Variants in GRM1 observed in about 807,000 individuals in gnomAD.
The protein encoded by GRM1 is glutamate metabotropic receptor 1.
A neutral mutation model predicts 90.9 loss-of-function variants in GRM1; 33 were observed. The ratio of observed to expected loss-of-function variants is 0.36; its 90% CI spans 0.28 to 0.49. The LOEUF (loss-of-function observed/expected upper bound fraction) is 0.49. Ranked by LOEUF, GRM1 falls within the 20% of genes least tolerant of loss-of-function variation. The pLI, the probability that GRM1 is intolerant of heterozygous loss-of-function variation, is 0.99. For missense variants in GRM1, 1,190 were observed against 1,534.3 expected (o/e 0.78, Z 3.75); for synonymous variants, 700 against 613.2 (o/e 1.14, Z -2.09).
chr6:146,280,654 TCTCA>T (rs1782532418), intron 2 of GRM1, among the ~76,000 whole-genome samples: 1 of 152,182 alleles, frequency 6.6e-6, no homozygotes, highest in African/African-American at 2.4e-5. Context: ...GTTCTCATTC[TCTCA>T]CTCAGGCAGG....
chr6:146,320,223 A>G (rs1339606065), intron 3 of GRM1, among the ~76,000 whole-genome samples: 1 of 152,134 alleles, frequency 6.6e-6, no homozygotes, highest in African/African-American at 2.4e-5. Flanking sequence ...TGAGATAATC[A>G]TGTGGTTTTT....
At chr6:146,329,860 G>T (rs1257244259) in intron 3 of GRM1, among the ~76,000 whole-genome samples, 1 of 152,074 alleles carries the variant, frequency 6.6e-6, no homozygotes, top group Non-Finnish European at 1.5e-5. Context: ...GTAATTTATT[G>T]AATACTGTAC....
intron 2 of GRM1, 51 bp downstream of exon 2, chr6:146,159,648 C>T: frequency 6.7e-7 from 1 of 1,502,848 alleles, no homozygotes; most frequent in Non-Finnish European, 9.2e-7. Context: ...CTCTCACACA[C>T]ACACATGCAC....
intron 2 of GRM1, among the ~76,000 whole-genome samples, chr6:146,225,715 C>T (rs1780217140): frequency 6.6e-6 from 1 of 152,136 alleles, no homozygotes; most frequent in South Asian, 2.1e-4. Flanking sequence ...AATTATGAAA[C>T]TATTTTATGT....
At chr6:146,384,494 A>G (rs1776428893) in intron 5 of GRM1, among the ~76,000 whole-genome samples, 1 of 152,142 alleles carries the variant, frequency 6.6e-6, no homozygotes. Context: ...AAGGGAACAA[A>G]CTAAGCTGTA....
At chr6:146,168,916 C>G (rs987568147) in intron 2 of GRM1, among the ~76,000 whole-genome samples, 1 of 151,930 alleles carries the variant, frequency 6.6e-6, no homozygotes, top group Non-Finnish European at 1.5e-5. Flanking sequence ...TTATGATAAG[C>G]CTTGATGTAG....
chr6:146,309,620 A>G (rs544019150), intron 3 of GRM1, among the ~76,000 whole-genome samples: 2 of 152,230 alleles, frequency 1.3e-5, no homozygotes, highest in African/African-American at 4.8e-5. Context: ...AAAGCTCCAT[A>G]ATATTCTAAC....
chr6:146,277,300 T>C (rs1782409735), intron 2 of GRM1, among the ~76,000 whole-genome samples: 1 of 152,214 alleles, frequency 6.6e-6, no homozygotes, highest in South Asian at 2.1e-4. Flanking sequence ...GCCTTTGGAA[T>C]GCCCCTTGGT....
intron 4 of GRM1, 31 bp from the exon 5 acceptor site, chr6:146,357,495 C>G: frequency 6.5e-7 from 1 of 1,533,780 alleles, no homozygotes; most frequent in African/African-American, 1.4e-5. Flanking sequence ...TGTCTATATT[C>G]TATAAGACAT....
intron 2 of GRM1, among the ~76,000 whole-genome samples, chr6:146,234,622 G>C (rs555260155): frequency 1.8e-4 from 28 of 151,830 alleles, no homozygotes; most frequent in African/African-American, 6.5e-4. Flanking sequence ...CATATTTTGT[G>C]TCATATTTCT....
chr6:146,160,712 C>T (rs1436998892), intron 2 of GRM1, among the ~76,000 whole-genome samples: 4 of 152,110 alleles, frequency 2.6e-5, no homozygotes, highest in Non-Finnish European at 5.9e-5. Context: ...ATTCTAGGAA[C>T]ACTAACTTTG....
rs145316701 is a variant in GRM1, at chr6:146,155,646, C to G, written c.701-3702C>G. On this transcript the variant is annotated intron_variant, in intron 1 of 7. Coordinates refer to ENST00000282753, the MANE Select transcript of GRM1 (RefSeq NM_001278064.2). ...TTTCATGATATGACTGATAAGATCA[C>G]CCAGTAGCAGAGCATCTTTTCAGGT... Among the ~76,000 whole-genome samples, 6 of 152,256 alleles carry G rather than the reference C, an allele frequency of 3.9e-5. No individual in the cohort carries two copies. The East Asian group carries it at 1.2e-3, about 29-fold the overall frequency.
intron 3 of GRM1, among the ~76,000 whole-genome samples, chr6:146,339,223 C>G (rs1159396893): frequency 6.6e-6 from 1 of 152,180 alleles, no homozygotes; most frequent in Non-Finnish European, 1.5e-5. Flanking sequence ...CAGGTGCTGA[C>G]ATTTTCATCC....
At chr6:146,093,148 C>G (rs924959626) in intron 1 of GRM1, among the ~76,000 whole-genome samples, 3 of 152,148 alleles carry the variant, frequency 2.0e-5, no homozygotes, top group East Asian at 1.9e-4. Context: ...ATTCCCATAC[C>G]AATAAATATT....
In GRM1 at chr6:146,116,467, A is replaced by G. The variant is rs565238681; in HGVS notation, c.701-42881A>G. On this transcript the variant is annotated intron_variant, in intron 1 of 7. Coordinates refer to ENST00000282753, the MANE Select transcript of GRM1 (RefSeq NM_001278064.2). ...AGAATAAACCCTATTTGGTAATTGAATAATATTCTCTCAATATCCTTCTAT... is the reference window on the plus strand; with the variant it reads ...AGAATAAACCCTATTTGGTAATTGAGTAATATTCTCTCAATATCCTTCTAT... Among the ~76,000 whole-genome samples, 35 of 152,324 alleles carry G rather than the reference A, an allele frequency of 2.3e-4. 1 individual carries two copies. In the South Asian group the frequency reaches 6.8e-3, roughly 30 times the overall value.
At chr6:146,128,745 A>G (rs1253260532) in intron 1 of GRM1, among the ~76,000 whole-genome samples, 1 of 152,134 alleles carries the variant, frequency 6.6e-6, no homozygotes, top group Non-Finnish European at 1.5e-5. Flanking sequence ...ATAACAAATA[A>G]TATTGTAATA....
intron 1 of GRM1, among the ~76,000 whole-genome samples, chr6:146,117,139 T>C (rs1423956145): frequency 6.6e-6 from 1 of 151,272 alleles, no homozygotes; most frequent in Non-Finnish European, 1.5e-5. Context: ...CAATTTTCCT[T>C]GGATTTATTT....
At chr6:146,048,983 C>T (rs1312599559) in intron 1 of GRM1, among the ~76,000 whole-genome samples, 1 of 151,884 alleles carries the variant, frequency 6.6e-6, no homozygotes, top group Non-Finnish European at 1.5e-5. Context: ...CCCTAGAGAA[C>T]TAATACAGTT....
Position 146,135,511 on chromosome 6 carries a change from G to C in GRM1, c.701-23837G>C, listed in dbSNP as rs113679212. Among the ~76,000 whole-genome samples the C allele has an allele frequency of 5.8e-3, 879 of 152,282 alleles. 8 individuals carry two copies. The highest frequency in any genetic ancestry group is 0.02 in the African/African-American group (840 of 41,558). ...TACAGACACATAGTAAGAGATGTCG[G>C]AGGTTACTCAGTGTAACTCCTTCAC... is the stretch of plus-strand genomic sequence containing the variant. On this transcript the variant is annotated intron_variant, in intron 1 of 7. Transcript: ENST00000282753.
Sources: gnomAD v4.1 joint callset for allele counts (sites outside exome capture counted in the v4.1 genomes callset) on GRCh38, gnomAD v4.1.1 for gene constraint, MANE v1.5 for transcripts, NCBI Gene and HGNC (gene_info 2026-07-23, HGNC 2026-07-21) for gene names.